Variants in PPL observed in about 807,000 individuals in gnomAD.
PPL encodes the protein periplakin.
In PPL, 198 loss-of-function variants were observed where a neutral mutation model predicts 194.4. The ratio of observed to expected loss-of-function variants is 1.02; its 90% CI spans 0.91 to 1.15. The LOEUF (loss-of-function observed/expected upper bound fraction) is 1.15, where lower values mean the gene tolerates loss of function less well. Among genes scored for constraint, PPL ranks in the 50% most tolerant of loss-of-function variants. The pLI is 0.00. For missense variants in PPL, 2,885 were observed against 2,294.8 expected (o/e 1.26, Z -5.25); for synonymous variants, 1,220 against 972.4 (o/e 1.25, Z -4.74).
intron 1 of PPL, among the ~76,000 whole-genome samples, chr16:4,915,115 T>C (rs889875939): frequency 6.6e-6 from 1 of 152,226 alleles, no homozygotes; most frequent in Admixed American, 6.5e-5. Flanking sequence ...AGCCCTTTCA[T>C]GGATTGTGGC....
At chr16:4,886,080 C>G (rs1231407817) in intron 21 of PPL, 33 bp from the exon 22 acceptor site, 1 of 1,612,426 alleles carries the variant, frequency 6.2e-7, no homozygotes, top group African/African-American at 1.3e-5. Flanking sequence ...AGGTTAAAGC[C>G]AGGCTCTGGC....
intron 1 of PPL, among the ~76,000 whole-genome samples, chr16:4,913,881 G>A (rs1248440496): frequency 6.6e-6 from 1 of 152,136 alleles, no homozygotes; most frequent in African/African-American, 2.4e-5. Flanking sequence ...CTGTGTGCGG[G>A]CCCTGCACCT....
intron 1 of PPL, among the ~76,000 whole-genome samples, chr16:4,923,018 T>C (rs1241904873): frequency 2.0e-5 from 3 of 152,150 alleles, no homozygotes; most frequent in African/African-American, 7.2e-5. Context: ...CCGCTTCAGC[T>C]GTCTTGGGTT....
At position 4,902,534 on chromosome 16, in the gene PPL, G is replaced by C. The variant is rs2088596473; in HGVS notation, c.318-8C>G. The C allele has an allele frequency of 1.2e-6, 2 of 1,612,090 alleles. No individual in the cohort carries two copies. Among genetic ancestry groups the C allele is most frequent in the African/African-American group, 1.3e-5 (1 of 74,896 alleles). Reference sequence around the variant, plus strand: ...TCCTTCAGCTGGCGGATACTGATGGGAGAGAGGCTCCCACTTAGTGGGGCT... The same window carrying C: ...TCCTTCAGCTGGCGGATACTGATGGCAGAGAGGCTCCCACTTAGTGGGGCT... On this transcript the variant is annotated splice_region_variant and splice_polypyrimidine_tract_variant and intron_variant, in intron 3 of 21. Coordinates refer to ENST00000345988, the MANE Select transcript of PPL (RefSeq NM_002705.5). This position sits in a 1 kb window ranked among gnomAD's most constrained non-coding sequence, Gnocchi z 4.0.
intron 1 of PPL, among the ~76,000 whole-genome samples, chr16:4,913,057 T>C (rs922390897): frequency 3.3e-5 from 5 of 151,798 alleles, no homozygotes; most frequent in African/African-American, 1.2e-4. Context: ...TGAGCTGAGA[T>C]TGCACCACTG....
intron 1 of PPL, among the ~76,000 whole-genome samples, chr16:4,932,066 C>A (rs2089231917): frequency 6.6e-6 from 1 of 152,220 alleles, no homozygotes; most frequent in African/African-American, 2.4e-5. Context: ...CTGCCAGATC[C>A]AGGTACGAGT....
chr16:4,933,893 T>C (rs2089257880), intron 1 of PPL, among the ~76,000 whole-genome samples: 1 of 152,246 alleles, frequency 6.6e-6, no homozygotes, highest in Admixed American at 6.5e-5. Flanking sequence ...CCGCATTTGC[T>C]TAATAACTGT....
At chr16:4,931,607 T>A (rs1596592821) in intron 1 of PPL, among the ~76,000 whole-genome samples, 1 of 152,132 alleles carries the variant, frequency 6.6e-6, no homozygotes, top group Admixed American at 6.5e-5. Flanking sequence ...GTGGTGCCGG[T>A]AACACCGGCA....
At chr16:4,934,074 C>T (rs929579088) in intron 1 of PPL, among the ~76,000 whole-genome samples, 1 of 152,210 alleles carries the variant, frequency 6.6e-6, no homozygotes, top group East Asian at 1.9e-4. Context: ...GGTCGCACAG[C>T]CAGGAGGGTG....
At chr16:4,908,832 C>T (rs1344504596) in intron 2 of PPL, among the ~76,000 whole-genome samples, 4 of 152,254 alleles carry the variant, frequency 2.6e-5, no homozygotes, top group Non-Finnish European at 5.9e-5. Context: ...CGAGCCACCG[C>T]ACCCGGCTCA....
At chr16:4,931,932 G>C (rs572374015) in intron 1 of PPL, among the ~76,000 whole-genome samples, 4 of 152,210 alleles carry the variant, frequency 2.6e-5, no homozygotes, top group Admixed American at 1.3e-4. Context: ...AAGAGAACTG[G>C]GCAAGGGATG....
chr16:4,931,337 C>T (rs1435346856), intron 1 of PPL, among the ~76,000 whole-genome samples: 1 of 152,144 alleles, frequency 6.6e-6, no homozygotes, highest in Non-Finnish European at 1.5e-5. Context: ...GCACTCCAAT[C>T]TGGGTGATAC....
rs977992374 is a variant in PPL at position 4,901,095 on chromosome 16, C to G, written c.439-6G>C. 6.2e-7 allele frequency: 1 copy of G among 1,613,782 alleles called. No individual in the cohort carries two copies. Among genetic ancestry groups the G allele is most frequent in the Non-Finnish European group, 8.5e-7 (1 of 1,179,922 alleles). ...CTCTGGTTGTTCAGCTTGTCCTGGC[C>G]AGGAGGGCAGAGAAGCAATAAGGAG... On this transcript the variant is annotated splice_region_variant and splice_polypyrimidine_tract_variant and intron_variant, in intron 4 of 21. Transcript: ENST00000345988.
intron 8 of PPL, among the ~76,000 whole-genome samples, chr16:4,898,418 G>A (rs554662984): frequency 2.0e-4 from 31 of 152,262 alleles, no homozygotes; most frequent in African/African-American, 4.6e-4. Context: ...GGAAGAATGC[G>A]ACCTTATTTG....
rs202104987 is a variant in PPL, at chr16:4,923,514, G to T, written c.63-12565C>A. Reference sequence around the variant, plus strand: ...AGCGACCTGGAAGGGGGCTCCCTGGGTGGGGGTGGCTTCAAGAGCCACCCT... The same window carrying T: ...AGCGACCTGGAAGGGGGCTCCCTGGTTGGGGGTGGCTTCAAGAGCCACCCT... On this transcript the variant is annotated intron_variant, in intron 1 of 21. Coordinates refer to ENST00000345988, the MANE Select transcript of PPL (RefSeq NM_002705.5). Among the ~76,000 whole-genome samples the T allele has an allele frequency of 2.0e-3, 302 of 152,330 alleles. 1 individual carries two copies. Among genetic ancestry groups the T allele is most frequent in the Non-Finnish European group, 3.3e-3 (222 of 68,030 alleles).
chr16:4,884,915 T>C lies in PPL; in HGVS notation c.3740A>G (p.Glu1247Gly), dbSNP rs750582799. 6.2e-7 allele frequency: 1 copy of C among 1,614,132 alleles called. No homozygotes were observed. The highest frequency in any genetic ancestry group is 1.1e-5 in the South Asian group (1 of 91,088). The stretch of plus-strand genomic sequence containing the variant: ...GATCTCCTCCCTGAGCCGCTGAAGC[T>C]CCTTCTCCATCTCAGGGTCAGTCTT... ...KYKTDPEMEK[E>G]LQRLREEIVD... is the part of the protein sequence containing the mutation. Residue 1247 changes from glutamate to glycine, a missense_variant, in exon 22 of 22, where the codon GAG (glutamate) becomes GGG (glycine). Coordinates refer to ENST00000345988, the MANE Select transcript of PPL (RefSeq NM_002705.5). This position sits in a 1 kb window ranked among gnomAD's most constrained non-coding sequence, Gnocchi z 5.7.
At chr16:4,934,303 C>T (rs998701779) in intron 1 of PPL, among the ~76,000 whole-genome samples, 8 of 152,082 alleles carry the variant, frequency 5.3e-5, no homozygotes, top group African/African-American at 9.7e-5. Context: ...GTGGCTTTCT[C>T]GGTGGGGTGT....
intron 1 of PPL, among the ~76,000 whole-genome samples, chr16:4,935,295 C>G (rs759201): frequency 0.83 from 126,240 of 152,172 alleles, 52,644 homozygotes; most frequent in Middle Eastern, 0.88. Flanking sequence ...GAGAGCTGCA[C>G]GAAGGAGGGA....
Position 4,927,871 on chromosome 16 carries a change from T to C in PPL, c.62+9113A>G, listed in dbSNP as rs543417317. Among the ~76,000 whole-genome samples the C allele has an allele frequency of 2.6e-5, 4 of 152,322 alleles. No homozygotes were observed. In the East Asian group the frequency reaches 7.7e-4, roughly 29 times the overall value. On this transcript the variant is annotated intron_variant, in intron 1 of 21. Coordinates refer to ENST00000345988, the MANE Select transcript of PPL (RefSeq NM_002705.5). ...TTTACAAACATACAGAAGTTCAAGCTGCTTCAGGTAACACCAAGGCAGGTC... is the reference window on the plus strand; with the variant it reads ...TTTACAAACATACAGAAGTTCAAGCCGCTTCAGGTAACACCAAGGCAGGTC...
Sources: gnomAD v4.1 joint callset for allele counts (sites outside exome capture counted in the v4.1 genomes callset) on GRCh38, gnomAD v4.1.1 for gene constraint, Gnocchi (gnomAD v3.1) non-coding constraint, MANE v1.5 for transcripts, NCBI Gene and HGNC (gene_info 2026-07-23, HGNC 2026-07-21) for gene names.